The following FRMD6 variants were observed in gnomAD, a reference collection of about 807,000 sequenced individuals.
FRMD6 encodes the protein FERM domain-containing protein 6.
FRMD6 carries 37 observed loss-of-function variants against 73.2 expected under a neutral mutation model. The observed-to-expected ratio is 0.51, with a 90% CI of 0.39 to 0.66. The LOEUF (loss-of-function observed/expected upper bound fraction) is 0.66, where lower values mean the gene tolerates loss of function less well. FRMD6 is among the 30% of genes least tolerant of loss of function. The pLI is 0.00. For synonymous variants in FRMD6, 273 were observed against 282.2 expected, an observed-to-expected ratio of 0.97 and a Z score of 0.33; for missense variants, 714 against 780.5, an observed-to-expected ratio of 0.91 and a Z score of 1.02.
chr14:51,399,061 G>T, the FRMD6 span, among the ~76,000 whole-genome samples: 1 of 152,130 alleles, frequency 6.6e-6, no homozygotes, highest in Non-Finnish European at 1.5e-5. Flanking sequence ...ACTGCTCACT[G>T]CTCCTAGCCA....
intron 2 of FRMD6, among the ~76,000 whole-genome samples, chr14:51,574,301 C>A (rs1888292838): frequency 6.6e-6 from 1 of 152,146 alleles, no homozygotes; most frequent in African/African-American, 2.4e-5. Context: ...CATGGTTTTC[C>A]AAGCATAGAT....
At chr14:51,408,980 C>T in the FRMD6 span, among the ~76,000 whole-genome samples, 5 of 152,136 alleles carry the variant, frequency 3.3e-5, no homozygotes, top group African/African-American at 4.8e-5. Context: ...TCCTAGGTAG[C>T]GTGAAGGTAT....
chr14:51,412,497 A>G, the FRMD6 span, among the ~76,000 whole-genome samples: 535 of 151,946 alleles, frequency 3.5e-3, 1 homozygote, highest in East Asian at 7.2e-3. Context: ...AGAGAGGGGG[A>G]GGGAAAAACA....
chr14:51,599,971 C>T (rs988048478), intron 2 of FRMD6: 1 of 150,878 alleles, frequency 6.6e-6, no homozygotes, highest in African/African-American at 2.4e-5. Context: ...GACGGCCAAC[C>T]TGGGCTTCAA....
chr14:51,496,802 C>G (rs1883319401), intron 1 of FRMD6, among the ~76,000 whole-genome samples: 1 of 152,174 alleles, frequency 6.6e-6, no homozygotes, highest in South Asian at 2.1e-4. Context: ...ACTCATCCCT[C>G]CAAGACACTT....
chr14:51,686,234 C>T (rs1594731545), intron 1 of FRMD6, among the ~76,000 whole-genome samples: 2 of 152,088 alleles, frequency 1.3e-5, no homozygotes, highest in Non-Finnish European at 2.9e-5. Context: ...TTTCTGTATA[C>T]CACACCGGCA....
At chr14:51,610,503 A>G (rs1275721003) in intron 2 of FRMD6, among the ~76,000 whole-genome samples, 1 of 152,136 alleles carries the variant, frequency 6.6e-6, no homozygotes, top group East Asian at 1.9e-4. Context: ...TTAGAAACCG[A>G]AGGAAAAATT....
At chr14:51,493,492 GCT>G (rs1187341847) in intron 1 of FRMD6, among the ~76,000 whole-genome samples, 7 of 152,190 alleles carry the variant, frequency 4.6e-5, no homozygotes, top group South Asian at 2.1e-4. Flanking sequence ...CCCTGCACAT[GCT>G]CTCTCTCTTC....
chr14:51,588,545 T>C (rs1241387010), intron 2 of FRMD6, among the ~76,000 whole-genome samples: 1 of 152,182 alleles, frequency 6.6e-6, no homozygotes, highest in Non-Finnish European at 1.5e-5. Context: ...CTTCTACATC[T>C]ACAGGAACAC....
At chr14:51,432,673 G>A in the FRMD6 span, among the ~76,000 whole-genome samples, 130 of 152,218 alleles carry the variant, frequency 8.5e-4, 1 homozygote, top group African/African-American at 2.9e-3. Flanking sequence ...AAAAATAACC[G>A]TAACCCTGAA....
chr14:51,426,430 C>G, the FRMD6 span, among the ~76,000 whole-genome samples: 15 of 152,234 alleles, frequency 9.9e-5, no homozygotes, highest in East Asian at 2.1e-3. Context: ...CTACTTTTGT[C>G]TGTGTTCACT....
At chr14:51,593,658 C>T (rs536915530) in intron 2 of FRMD6, among the ~76,000 whole-genome samples, 20 of 152,238 alleles carry the variant, frequency 1.3e-4, no homozygotes, top group African/African-American at 3.4e-4. Context: ...TTTCTAATGA[C>T]GAATCCAGCT....
chr14:51,487,562 C>T (rs1419134272), upstream of FRMD6, among the ~76,000 whole-genome samples: 1 of 152,152 alleles, frequency 6.6e-6, no homozygotes, highest in African/African-American at 2.4e-5. Flanking sequence ...GAATAGCAAG[C>T]CACTAAAATG....
chr14:51,546,501 TG>T (rs1886473784), intron 1 of FRMD6: 1 of 144,376 alleles, frequency 6.9e-6, no homozygotes, highest in African/African-American at 2.6e-5. Context: ...GAATATCTAA[TG>T]GGGTAAAGGT....
chr14:51,422,119 C>T, the FRMD6 span, among the ~76,000 whole-genome samples: 1 of 152,032 alleles, frequency 6.6e-6, no homozygotes, highest in Non-Finnish European at 1.5e-5. Context: ...ATTTATATAC[C>T]ATAATACAAT....
chr14:51,454,225 A>G, the FRMD6 span, among the ~76,000 whole-genome samples: 1 of 152,248 alleles, frequency 6.6e-6, no homozygotes, highest in Non-Finnish European at 1.5e-5. Flanking sequence ...AATGCTTTCC[A>G]GGGTATGTAC....
At chr14:51,557,267 T>TAC (rs1555375399) in intron 1 of FRMD6, among the ~76,000 whole-genome samples, 4 of 132,098 alleles carry the variant, frequency 3.0e-5, no homozygotes, top group Non-Finnish European at 6.5e-5. Flanking sequence ...TATATATATA[T>TAC]ACACACATAC....
chr14:51,712,059 C>T (rs1896973436), intron 8 of FRMD6, among the ~76,000 whole-genome samples: 1 of 152,168 alleles, frequency 6.6e-6, no homozygotes, highest in Non-Finnish European at 1.5e-5. Flanking sequence ...CACCTTTTAG[C>T]AGGTGAGACA....
chr14:51,535,352 A>G (rs949463139), intron 1 of FRMD6, among the ~76,000 whole-genome samples: 1 of 152,114 alleles, frequency 6.6e-6, no homozygotes, highest in African/African-American at 2.4e-5. Flanking sequence ...ACCAATCATA[A>G]TCCTATTCTC....
Sources: allele counts gnomAD v4.1 joint callset (sites outside exome capture counted in the v4.1 genomes callset), GRCh38; gene constraint gnomAD v4.1.1; transcripts MANE v1.5; gene names NCBI Gene and HGNC (gene_info 2026-07-23, HGNC 2026-07-21).